The following DDX3X variants were observed in gnomAD, a reference collection of about 807,000 sequenced individuals.
DDX3X encodes ATP-dependent RNA helicase DDX3X.
A neutral mutation model predicts 52.7 loss-of-function variants in DDX3X; 4 were observed. That is an observed-to-expected ratio of 0.08 (90% confidence interval 0.04 to 0.17). The LOEUF (loss-of-function observed/expected upper bound fraction) is 0.17, where lower values mean the gene tolerates loss of function less well. Ranked by LOEUF, DDX3X falls within the 10% of genes least tolerant of loss-of-function variation. The probability of loss-of-function intolerance (pLI) is 1.00; values close to 1 mark genes in which losing one functional copy is unlikely to be tolerated. For synonymous variants in DDX3X, 192 were observed against 178.1 expected, an observed-to-expected ratio of 1.08 and a Z score of -0.62; for missense variants, 222 against 548.6, an observed-to-expected ratio of 0.40 and a Z score of 5.95.
chrX:41,346,207 A>G lies in DDX3X; in HGVS notation c.1316-22A>G, dbSNP rs764349517. 4.2e-6 allele frequency: 5 copies of G among 1,188,467 alleles called. No individual in the cohort carries two copies. In the South Asian group the frequency reaches 7.5e-5, roughly 18 times the overall value. The stretch of plus-strand genomic sequence containing the variant: ...GAACTAAGCCATGTTAGTGACAAAA[A>G]CCTATAATTTTTCAACGACAGGCAA... On this transcript the variant is annotated intron_variant, in intron 12 of 16. Coordinates refer to ENST00000644876, the MANE Select transcript of DDX3X (RefSeq NM_001356.5).
chrX:41,351,750 C>T (rs1345379959), downstream of DDX3X: 1 of 111,409 alleles, frequency 9.0e-6, no homozygotes, highest in Non-Finnish European at 1.9e-5. Flanking sequence ...TGTGGCTGTC[C>T]TCTATAATGA....
intron 5 of DDX3X, chrX:41,357,919 A>C: frequency 3.4e-6 from 1 of 296,944 alleles, no homozygotes; most frequent in Non-Finnish European, 5.9e-6. Flanking sequence ...GGAGTCCAGC[A>C]TGTAGTCATG....
In DDX3X at chrX:41,344,423, T is replaced by TTTTTG. The variant is rs751906773; in HGVS notation, c.1025+42_1025+46dup. 32 of 1,203,803 alleles carry TTTTTG rather than the reference T, an allele frequency of 2.7e-5. No homozygotes were observed. The highest frequency in any genetic ancestry group is 8.8e-5 in the African/African-American group (5 of 57,138). The stretch of plus-strand genomic sequence containing the variant: ...AAGTATGTTTTATTTTGTTTTTGTT[T>TTTTTG]TTTTGTTTTGTTTTGTTTTGTTCTT... On this transcript the variant is annotated intron_variant, in intron 10 of 16. Transcript: ENST00000644876.
At position 41,350,049 on chromosome X, in the gene DDX3X, G is replaced by C. The variant is rs2063970923; in HGVS notation, c.*2330G>C. ...GCAAGCAATATTTTCAGTTAATAAG[G>C]TTTCAAAAATCATGTAAGGATTTAA... On this transcript the variant is annotated 3_prime_UTR_variant, in exon 17 of 17. Transcript: ENST00000644876. 1 of 111,735 alleles carries C rather than the reference G, an allele frequency of 8.9e-6. No individual in the cohort carries two copies. The highest frequency in any genetic ancestry group is 3.3e-5 in the African/African-American group (1 of 30,702). 9.2% of individuals were successfully genotyped at this position (111,735 alleles called of 1,213,427 possible).
chrX:41,337,843 G>GAA, intron 2 of DDX3X: 1 of 127,716 alleles, frequency 7.8e-6, no homozygotes, highest in East Asian at 2.4e-4. Flanking sequence ...GCTAATCATT[G>GAA]GAAAGAACCT....
At chrX:41,344,433 GT>G in intron 10 of DDX3X, 34 bp downstream of exon 10, 2 of 1,200,819 alleles carry the variant, frequency 1.7e-6, no homozygotes, top group Non-Finnish European at 2.3e-6. Flanking sequence ...TTTTTGTTTT[GT>G]TTTGTTTTGT....
chrX:41,361,352 A>G (rs1317653149), intron 5 of DDX3X, among the ~76,000 whole-genome samples: 1 of 108,696 alleles, frequency 9.2e-6, no homozygotes, highest in Non-Finnish European at 1.9e-5. Flanking sequence ...CTGTACTGAA[A>G]ATACAAAAAA....
chrX:41,347,548 T>C (rs1256823045), intron 16 of DDX3X, 92 bp from the exon 17 acceptor site: 1 of 1,149,634 alleles, frequency 8.7e-7, no homozygotes, highest in Non-Finnish European at 1.2e-6. Flanking sequence ...TTCAGCACTA[T>C]AGAAACTTGA....
Position 41,347,308 on chromosome X carries a change from A to T in DDX3X, c.1770-4A>T. 8.3e-7 allele frequency: 1 copy of T among 1,199,795 alleles called. No homozygotes were observed. ...TGTGAACCAACATAATTTTTTTCTT[A>T]TAGTAGCAGATTTAGTGGAGGGTTT... On this transcript the variant is annotated splice_polypyrimidine_tract_variant and splice_region_variant and intron_variant, in intron 15 of 16. Coordinates refer to ENST00000644876, the MANE Select transcript of DDX3X (RefSeq NM_001356.5).
intron 5 of DDX3X, 27 bp downstream of exon 5, chrX:41,342,680 G>A: frequency 1.7e-6 from 2 of 1,210,957 alleles, no homozygotes; most frequent in Non-Finnish European, 1.1e-6. Context: ...TATGTTACTT[G>A]TGATGAAGCC....
At position 41,348,593 on chromosome X, in the gene DDX3X, C is replaced by T. The variant is rs2063955594; in HGVS notation, c.*874C>T. On this transcript the variant is annotated 3_prime_UTR_variant, in exon 17 of 17. Coordinates refer to ENST00000644876, the MANE Select transcript of DDX3X (RefSeq NM_001356.5). ...TTTTAGGAGAATTCATCTACTTAGA[C>T]TTTTTAAATGCCTGCCATAAATGAA... The T allele has an allele frequency of 8.9e-6, 1 of 112,387 alleles. No homozygotes were observed. The highest frequency in any genetic ancestry group is 3.7e-4 in the South Asian group (1 of 2,735). 9.3% of individuals were successfully genotyped at this position (112,387 alleles called of 1,213,427 possible). A position where few individuals can be genotyped will look rare whatever the true frequency, so the allele number is the denominator to read the frequency against.
Position 41,346,393 on chromosome X carries a change from A to G in DDX3X, c.1480A>G (p.Ile494Val). ...CCAGTTCCGCTCAGGAAAAAGCCCA[A>G]TTTTAGTGGCTACAGCAGTATGTAT... ...LHQFRSGKSP[I>V]LVATAVAARG... Residue 494 changes from isoleucine (I) to valine (V), a missense_variant, in exon 13 of 17, where the codon ATT becomes GTT. Transcript: ENST00000644876. 8.3e-7 allele frequency: 1 copy of G among 1,210,079 alleles called. No individual in the cohort carries two copies. Among genetic ancestry groups the G allele is most frequent in the Non-Finnish European group, 1.1e-6 (1 of 894,666 alleles).
chrX:41,347,592 TGATG>T (rs1443633386), intron 16 of DDX3X, 44 bp from the exon 17 acceptor site: 1 of 1,136,339 alleles, frequency 8.8e-7, no homozygotes, highest in Non-Finnish European at 1.2e-6. Context: ...TTGTATTTAA[TGATG>T]GATAACTTCA....
chrX:41,334,447 G>A, intron 1 of DDX3X, 150 bp downstream of exon 1: 1 of 1,114,199 alleles, frequency 9.0e-7, no homozygotes, highest in South Asian at 2.2e-5. Context: ...GGCTATAGAG[G>A]GATAGGAATG....
At chrX:41,354,825 G>T (rs988523377), downstream of DDX3X, among the ~76,000 whole-genome samples, 2 of 107,118 alleles carry the variant, frequency 1.9e-5, no homozygotes, top group African/African-American at 7.1e-5. Context: ...AAATAGTTTT[G>T]TTGTTGTTGT....
At chrX:41,340,720 C>T in intron 3 of DDX3X, 1 of 294,386 alleles carries the variant, frequency 3.4e-6, no homozygotes, top group South Asian at 2.0e-4. Flanking sequence ...GTACTTTATA[C>T]TATTGAAACT....
chrX:41,344,791 A>G (rs1227719124), intron 10 of DDX3X, among the ~76,000 whole-genome samples: 1 of 112,092 alleles, frequency 8.9e-6, no homozygotes, highest in Non-Finnish European at 1.9e-5. Context: ...ACTGCCCATT[A>G]GTTTTGTGGT....
rs1397898932 is a variant in DDX3X at position 41,348,202 on chromosome X, G to GA, written c.*488dup. The GA allele has an allele frequency of 4.8e-6, 1 of 209,748 alleles. No individual in the cohort carries two copies. Among genetic ancestry groups the GA allele is most frequent in the African/African-American group, 2.9e-5 (1 of 34,494 alleles). 17.3% of individuals were successfully genotyped at this position (209,748 alleles called of 1,213,427 possible). A position where few individuals can be genotyped will look rare whatever the true frequency, so the allele number is the denominator to read the frequency against. On this transcript the variant is annotated 3_prime_UTR_variant, in exon 17 of 17. Transcript: ENST00000644876. Reference sequence around the variant, plus strand: ...TCGATTCATCCATAAATAATATAAGGAAAAACTTATGCGGTAGCCTGCATT... The same window carrying GA: ...TCGATTCATCCATAAATAATATAAGGAAAAAACTTATGCGGTAGCCTGCATT...
At chrX:41,357,792 A>G (rs1447976795) in intron 5 of DDX3X, 5 of 293,049 alleles carry the variant, frequency 1.7e-5, no homozygotes, top group African/African-American at 1.4e-4. Flanking sequence ...AAGATTACCT[A>G]GTACTTCCTA....
Sources: gnomAD v4.1 joint callset for allele counts (sites outside exome capture counted in the v4.1 genomes callset) on GRCh38, gnomAD v4.1.1 for gene constraint, MANE v1.5 for transcripts, NCBI Gene and HGNC (gene_info 2026-07-23, HGNC 2026-07-21) for gene names.